RAB27B: variants seen among roughly 807,000 people sequenced by gnomAD.
The protein encoded by RAB27B is ras-related protein Rab-27B.
In RAB27B, 15 loss-of-function variants were observed where a neutral mutation model predicts 24.6. The ratio of observed to expected loss-of-function variants is 0.61; its 90% CI spans 0.41 to 0.94. The LOEUF (loss-of-function observed/expected upper bound fraction) is 0.94. Among genes scored for constraint, RAB27B ranks in the 40% least tolerant of loss-of-function variants. RAB27B has a pLI of 0.00. For missense variants in RAB27B, 261 were observed against 266.8 expected, an observed-to-expected ratio of 0.98 and a Z score of 0.15; for synonymous variants, 105 against 92.5, an observed-to-expected ratio of 1.14 and a Z score of -0.78.
rs556841437 is a variant in RAB27B, at chr18:54,807,039, T to C, written c.-19-70528T>C. 7.7e-4 allele frequency among the ~76,000 whole-genome samples: 118 copies of C among 152,274 alleles called. 1 individual carries two copies. Among genetic ancestry groups the C allele is most frequent in the African/African-American group, 2.7e-3 (113 of 41,562 alleles). On this transcript the variant is annotated intron_variant, in intron 2 of 4. Transcript: ENST00000586570. ...CCTCAGTCTCCTGAGTAGCTGGGAC[T>C]ACAGGTGCACGCCACCACACTCAGC...
intron 2 of RAB27B, among the ~76,000 whole-genome samples, chr18:54,755,878 G>T (rs1223863097): frequency 6.6e-6 from 1 of 152,162 alleles, no homozygotes; most frequent in Non-Finnish European, 1.5e-5. Flanking sequence ...AGGGGAAGCT[G>T]AATATTACAT....
intron 2 of RAB27B, among the ~76,000 whole-genome samples, chr18:54,742,956 G>A (rs1288429701): frequency 6.6e-6 from 1 of 152,134 alleles, no homozygotes; most frequent in Non-Finnish European, 1.5e-5. Flanking sequence ...ACTACTTTTG[G>A]AAGCCTGCAG....
chr18:54,799,358 A>G (rs1026002902), intron 2 of RAB27B, among the ~76,000 whole-genome samples: 3 of 152,150 alleles, frequency 2.0e-5, no homozygotes, highest in African/African-American at 7.2e-5. Flanking sequence ...ATCAACTGGA[A>G]TTTTCTTGAT....
intron 2 of RAB27B, among the ~76,000 whole-genome samples, chr18:54,799,706 T>C (rs1213418977): frequency 2.1e-5 from 3 of 146,022 alleles, no homozygotes; most frequent in African/African-American, 7.7e-5. Flanking sequence ...CTCGGCTCAC[T>C]GCAAGCTCTG....
intron 2 of RAB27B, among the ~76,000 whole-genome samples, chr18:54,762,126 A>G (rs565953379): frequency 7.2e-5 from 11 of 152,300 alleles, no homozygotes; most frequent in Admixed American, 5.2e-4. Context: ...GATTCTCCCT[A>G]TGAACCTCCT....
chr18:54,778,844 CTTT>C (rs112981715), intron 2 of RAB27B, among the ~76,000 whole-genome samples: 1 of 143,308 alleles, frequency 7.0e-6, no homozygotes, highest in Non-Finnish European at 1.5e-5. Flanking sequence ...CAGTTAAGTC[CTTT>C]TTTTTTTTTT....
chr18:54,820,798 G>A (rs1293388150), intron 2 of RAB27B, among the ~76,000 whole-genome samples: 1 of 152,126 alleles, frequency 6.6e-6, no homozygotes, highest in Non-Finnish European at 1.5e-5. Context: ...TTTGCATAAG[G>A]TGTAAGGAAG....
intron 1 of RAB27B, among the ~76,000 whole-genome samples, chr18:54,851,051 A>G (rs1251536013): frequency 6.6e-6 from 1 of 152,096 alleles, no homozygotes; most frequent in Non-Finnish European, 1.5e-5. Flanking sequence ...TGAAAGTGCA[A>G]TGCAACAGGA....
At chr18:54,806,583 A>T (rs1909797298) in intron 2 of RAB27B, among the ~76,000 whole-genome samples, 1 of 148,528 alleles carries the variant, frequency 6.7e-6, no homozygotes, top group African/African-American at 2.4e-5. Flanking sequence ...ATATATAATC[A>T]CATAAATATA....
intron 2 of RAB27B, among the ~76,000 whole-genome samples, chr18:54,722,563 C>T (rs1909393815): frequency 6.6e-6 from 1 of 152,104 alleles, no homozygotes. Context: ...CACAGCACAG[C>T]TTTCAGGCTC....
intron 2 of RAB27B, among the ~76,000 whole-genome samples, chr18:54,723,528 T>A (rs998573964): frequency 3.3e-5 from 5 of 152,180 alleles, no homozygotes; most frequent in African/African-American, 1.2e-4. Context: ...CCACATATAG[T>A]ATAATCCTGA....
chr18:54,807,945 T>C (rs1162435019), intron 2 of RAB27B, among the ~76,000 whole-genome samples: 1 of 152,186 alleles, frequency 6.6e-6, no homozygotes, highest in East Asian at 1.9e-4. Context: ...TACTTGGTCT[T>C]TTAGATCTTG....
At chr18:54,862,637 C>T (rs1281296628) in intron 1 of RAB27B, among the ~76,000 whole-genome samples, 1 of 152,214 alleles carries the variant, frequency 6.6e-6, no homozygotes, top group East Asian at 1.9e-4. Flanking sequence ...CCTGAAGACA[C>T]TCTGTTTCAG....
At chr18:54,842,078 A>G (rs1192269735) in intron 1 of RAB27B, among the ~76,000 whole-genome samples, 3 of 152,228 alleles carry the variant, frequency 2.0e-5, no homozygotes, top group Non-Finnish European at 4.4e-5. Context: ...ATGGCAGAAG[A>G]CGGCTATGTG....
intron 3 of RAB27B, 140 bp from the exon 4 acceptor site, chr18:54,884,193 G>A (rs1913037489): frequency 3.7e-6 from 2 of 544,228 alleles, no homozygotes; most frequent in African/African-American, 1.9e-5. Context: ...CAATTTCTCT[G>A]CCCACATTCC....
intron 2 of RAB27B, among the ~76,000 whole-genome samples, chr18:54,719,743 TTG>T (rs1425796888): frequency 3.9e-5 from 6 of 152,022 alleles, no homozygotes; most frequent in Admixed American, 2.6e-4. Flanking sequence ...TTCATAAACT[TTG>T]TGTTATTAAA....
intron 2 of RAB27B, among the ~76,000 whole-genome samples, chr18:54,801,901 A>G (rs932673923): frequency 3.9e-5 from 6 of 152,112 alleles, no homozygotes; most frequent in Non-Finnish European, 5.9e-5. Context: ...TATTTTTTTT[A>G]GTGTGTAGGA....
chr18:54,782,891 G>A (rs765952036), intron 2 of RAB27B, among the ~76,000 whole-genome samples: 2 of 152,030 alleles, frequency 1.3e-5, no homozygotes, highest in Non-Finnish European at 2.9e-5. Context: ...GAAAAAAATA[G>A]GCATCTGACA....
intron 4 of RAB27B, among the ~76,000 whole-genome samples, chr18:54,887,348 C>A (rs1363629148): frequency 6.6e-6 from 1 of 151,856 alleles, no homozygotes; most frequent in Non-Finnish European, 1.5e-5. Context: ...TCTCAGGGAG[C>A]ATTTCCCCAG....
Sources: allele counts gnomAD v4.1 joint callset (sites outside exome capture counted in the v4.1 genomes callset), GRCh38; gene constraint gnomAD v4.1.1; transcripts MANE v1.5; gene names NCBI Gene and HGNC (gene_info 2026-07-23, HGNC 2026-07-21).